Variants in ROGDI observed in about 807,000 individuals in gnomAD.
The protein encoded by ROGDI is rogdi atypical leucine zipper.
Under a neutral mutation model 43.1 loss-of-function variants are expected in ROGDI, and 46 were observed. The observed-to-expected ratio is 1.07, with a 90% CI of 0.84 to 1.37. The LOEUF (loss-of-function observed/expected upper bound fraction) is 1.37. Among genes scored for constraint, ROGDI ranks in the 40% most tolerant of loss-of-function variants. The probability of loss-of-function intolerance (pLI) is 0.00; values close to 1 mark genes in which losing one functional copy is unlikely to be tolerated. For synonymous variants in ROGDI, 243 were observed against 162.0 expected, an observed-to-expected ratio of 1.50 and a Z score of -3.80; for missense variants, 518 against 383.9, an observed-to-expected ratio of 1.35 and a Z score of -2.92.
chr16:4,798,610 C>T lies in ROGDI; in HGVS notation c.490G>A (p.Ala164Thr), dbSNP rs760780110. The T allele has an allele frequency of 5.7e-6, 9 of 1,574,206 alleles. No homozygotes were observed. The highest frequency in any genetic ancestry group is 2.3e-5 in the South Asian group (2 of 86,128). The change falls in exon 7 of 11, where the codon GCC (alanine) becomes ACC (threonine). Residue 164 changes from alanine to threonine, a missense_variant. By Grantham distance (58) the Ala-to-Thr change is moderately conservative. Coordinates refer to ENST00000322048, the MANE Select transcript of ROGDI (RefSeq NM_024589.3). ...TRARNRLTTPATLTLPEIAAS... is the reference protein window; with the variant it reads ...TRARNRLTTPTTLTLPEIAAS... ...GCGATCTCGGGGAGGGTGAGGGTGG[C>T]GGGGGTGGTGAGCCGGTTTCGGGCT...
chr16:4,800,516 C>T lies in ROGDI; in HGVS notation c.318G>A (p.Lys106=). Residue 106 remains lysine, a synonymous_variant, in exon 5 of 11, where the codon AAG becomes AAA. Transcript: ENST00000322048. Reference sequence around the variant, plus strand: ...GGGTCACCTGCTGCAGCTTCCACTGCTTGTCCTCCCGGAAGGCGAAGTGCA... The same window carrying T: ...GGGTCACCTGCTGCAGCTTCCACTGTTTGTCCTCCCGGAAGGCGAAGTGCA... The part of the protein sequence containing the change: ...QLLHFAFRED[K]QWKLQQIQDA... The T allele has an allele frequency of 1.3e-6, 2 of 1,558,866 alleles. No individual in the cohort carries two copies. Among genetic ancestry groups the T allele is most frequent in the South Asian group, 1.2e-5 (1 of 84,622 alleles).
Position 4,801,677 on chromosome 16 carries a change from G to C in ROGDI, c.118-92C>G, listed in dbSNP as rs557183000. 5.6e-6 allele frequency: 7 copies of C among 1,239,386 alleles called. No individual in the cohort carries two copies. In the East Asian group the frequency reaches 1.3e-4, roughly 23 times the overall value. 76.8% of individuals were successfully genotyped at this position (1,239,386 alleles called of 1,614,324 possible). A position where few individuals can be genotyped will look rare whatever the true frequency, so the allele number is the denominator to read the frequency against. On this transcript the variant is annotated intron_variant, in intron 2 of 10. Transcript: ENST00000322048. The stretch of plus-strand genomic sequence containing the variant: ...GAAGCCCCCCTCCCTCCAAGTCAGC[G>C]GGGGGAAGGAACAACGTGGCCTGGC...
chr16:4,797,472 G>A lies in ROGDI; in HGVS notation c.852C>T (p.Tyr284=). ...KISVFSSYWS[Y]RPF is the part of the protein sequence containing the mutation. ...CTGGGTGCTGTGATCAGAAGGGTCT[G>A]TAGCTCCAGTAGCTGGAGAACACGG... Residue 284 remains tyrosine, a synonymous_variant, in exon 11 of 11, where the codon TAC becomes TAT. Transcript: ENST00000322048. The A allele has an allele frequency of 7.4e-6, 12 of 1,613,450 alleles. No homozygotes were observed. The highest frequency in any genetic ancestry group is 1.0e-5 in the Non-Finnish European group (12 of 1,179,602).
chr16:4,799,402 G>A (rs1447137662), intron 6 of ROGDI, among the ~76,000 whole-genome samples: 1 of 152,124 alleles, frequency 6.6e-6, no homozygotes, highest in Non-Finnish European at 1.5e-5. Flanking sequence ...GCCCAGGTCA[G>A]CTCTTCACAT....
chr16:4,797,150 G>A lies in ROGDI; in HGVS notation c.*310C>T. 1 of 331,856 alleles carries A rather than the reference G, an allele frequency of 3.0e-6. No individual in the cohort carries two copies. The highest frequency in any genetic ancestry group is 6.0e-5 in the East Asian group (1 of 16,742). The allele number at this position is 331,856 out of a possible 1,614,324, so 20.6% of individuals were successfully genotyped here. Reference sequence around the variant, plus strand: ...CAGGGGGAGGGGACAGCGAAGGGGAGAGGAGGGAGAGCCCTGCGCCTGGCC... The same window carrying A: ...CAGGGGGAGGGGACAGCGAAGGGGAAAGGAGGGAGAGCCCTGCGCCTGGCC... On this transcript the variant is annotated 3_prime_UTR_variant, in exon 11 of 11. Coordinates refer to ENST00000322048, the MANE Select transcript of ROGDI (RefSeq NM_024589.3).
chr16:4,801,401 T>C (rs2082715983), intron 3 of ROGDI, 80 bp from the exon 4 acceptor site: 2 of 1,558,040 alleles, frequency 1.3e-6, no homozygotes, highest in South Asian at 2.3e-5. Context: ...CTGCCCCTCC[T>C]GTCCCATCGC....
chr16:4,798,195 C>T lies in ROGDI; in HGVS notation c.532-11G>A, dbSNP rs778017272. 19 of 1,609,622 alleles carry T rather than the reference C, an allele frequency of 1.2e-5. No homozygotes were observed. In the East Asian group the frequency reaches 2.2e-4, roughly 19 times the overall value. Reference sequence around the variant, plus strand: ...AGGGGCGAACATCCGCTGCGGGAGGCAGGTGGGATGAGGCCCTCGCAAGCC... The same window carrying T: ...AGGGGCGAACATCCGCTGCGGGAGGTAGGTGGGATGAGGCCCTCGCAAGCC... On this transcript the variant is annotated splice_polypyrimidine_tract_variant and intron_variant, in intron 7 of 10. Transcript: ENST00000322048.
chr16:4,801,866 A>C, intron 2 of ROGDI: 1 of 579,914 alleles, frequency 1.7e-6, no homozygotes, highest in African/African-American at 1.9e-5. Flanking sequence ...GTTGAGGGGG[A>C]AAGGGGCAAG....
At position 4,797,954 on chromosome 16, in the gene ROGDI, T is replaced by C; in HGVS notation, c.679A>G (p.Ser227Gly). ...CCTACTTACAACATGGCCCCAGGGC[T>C]ATGCAGCACCGCGCCCCCAGCTGGG... ...FRPAGGAVLHSPGAMFEWGSQ... is the reference protein window; with the variant it reads ...FRPAGGAVLHGPGAMFEWGSQ... The change falls in exon 9 of 11, where the codon AGC becomes GGC. Residue 227 changes from serine to glycine, a missense_variant. Coordinates refer to ENST00000322048, the MANE Select transcript of ROGDI (RefSeq NM_024589.3). 6.2e-7 allele frequency: 1 copy of C among 1,604,438 alleles called. No individual in the cohort carries two copies. Among genetic ancestry groups the C allele is most frequent in the Non-Finnish European group, 8.5e-7 (1 of 1,173,848 alleles).
At chr16:4,798,232 C>T (rs765163435) in intron 7 of ROGDI, 48 bp from the exon 8 acceptor site, 32 of 1,494,626 alleles carry the variant, frequency 2.1e-5, no homozygotes, top group Non-Finnish European at 2.9e-5. Context: ...CCAGCCCAGG[C>T]TGGATGGAGC....
In ROGDI at chr16:4,801,538, G is replaced by A. The variant is rs1455879564; in HGVS notation, c.165C>T (p.Pro55=). The A allele has an allele frequency of 1.2e-6, 2 of 1,606,952 alleles. No homozygotes were observed. The highest frequency in any genetic ancestry group is 1.7e-6 in the Non-Finnish European group (2 of 1,177,000). The change falls in exon 3 of 11, where the codon CCC becomes CCT. Residue 55 remains proline (P), a synonymous_variant. Coordinates refer to ENST00000322048, the MANE Select transcript of ROGDI (RefSeq NM_024589.3). ...CTAGGATGAAGTTCTCTTGCTTGGC[G>A]GGCCCCTCAGTGCCGGAGCCCGGCA... ...FTLPGSGTEG[P]AKQENFILGS...
chr16:4,801,709 T>G, intron 2 of ROGDI, 124 bp from the exon 3 acceptor site: 1 of 858,476 alleles, frequency 1.2e-6, no homozygotes, highest in Non-Finnish European at 1.8e-6. Context: ...TGGCCTCACC[T>G]GGGTTCAGCT....
At position 4,798,054 on chromosome 16, in the gene ROGDI, C is replaced by T; in HGVS notation, c.645+17G>A. 2.5e-6 allele frequency: 4 copies of T among 1,613,554 alleles called. No individual in the cohort carries two copies. Among genetic ancestry groups the T allele is most frequent in the Non-Finnish European group, 3.4e-6 (4 of 1,179,700 alleles). ...TGTGCATGGCGGGCAGTGGGCCGGGCAGGGGTCCCTCCTCACCTTGGTGGA... is the reference window on the plus strand; with the variant it reads ...TGTGCATGGCGGGCAGTGGGCCGGGTAGGGGTCCCTCCTCACCTTGGTGGA... On this transcript the variant is annotated intron_variant, in intron 8 of 10. Coordinates refer to ENST00000322048, the MANE Select transcript of ROGDI (RefSeq NM_024589.3).
At position 4,798,579 on chromosome 16, in the gene ROGDI, C is replaced by T; in HGVS notation, c.521G>A (p.Ser174Asn). The change falls in exon 7 of 11, where the codon AGC (serine) becomes AAC (asparagine). Residue 174 changes from serine (S) to asparagine (N), a missense_variant. Coordinates refer to ENST00000322048, the MANE Select transcript of ROGDI (RefSeq NM_024589.3). ...ATLTLPEIAASGLTRMFAPAL... is the reference protein window; with the variant it reads ...ATLTLPEIAANGLTRMFAPAL... ...GGCAGGGGCACTGACCGTGAGGCCG[C>T]TGGCGGCGATCTCGGGGAGGGTGAG... 6.4e-7 allele frequency: 1 copy of T among 1,560,244 alleles called. No individual in the cohort carries two copies. The highest frequency in any genetic ancestry group is 1.2e-5 in the South Asian group (1 of 85,408).
At chr16:4,801,676 CG>C (rs1423090425) in intron 2 of ROGDI, 91 bp from the exon 3 acceptor site, 1 of 1,241,564 alleles carries the variant, frequency 8.1e-7, no homozygotes, top group South Asian at 1.3e-5. Context: ...TCCAAGTCAG[CG>C]GGGGGAAGGA....
intron 4 of ROGDI, chr16:4,800,866 G>C (rs2082706567): frequency 1.9e-6 from 1 of 538,750 alleles, no homozygotes; most frequent in Non-Finnish European, 3.3e-6. Context: ...TGCGAACGGG[G>C]TGCATCTAGT....
Position 4,797,743 on chromosome 16 carries a change from G to T in ROGDI, c.793C>A (p.Leu265Met), listed in dbSNP as rs746176256. ...TCCTTGAGCTGCTGGCAGAGCTGCA[G>T]GGAGACGGTGAAGTAGACCAGGGCG... is the stretch of plus-strand genomic sequence containing the variant. The part of the protein sequence containing the change: ...NDALVYFTVS[L>M]QLCQQLKDKI... The change falls in exon 10 of 11, where the codon CTG becomes ATG. Residue 265 changes from leucine (L) to methionine (M), a missense_variant. Physicochemically the swap from Leu to Met is conservative, Grantham distance 15. Transcript: ENST00000322048. 3 of 1,471,402 alleles carry T rather than the reference G, an allele frequency of 2.0e-6. No individual in the cohort carries two copies. In the African/African-American group the frequency reaches 5.7e-5, roughly 28 times the overall value. 91.1% of individuals were successfully genotyped at this position (1,471,402 alleles called of 1,614,324 possible). A position where few individuals can be genotyped will look rare whatever the true frequency, so the allele number is the denominator to read the frequency against.
chr16:4,797,410 G>A lies in ROGDI; in HGVS notation c.*50C>T, dbSNP rs377528404. ...CTGGCTGGTGCTCTGTGGTGGGTAT[G>A]AGTAGGGGACGGGGCCGCCTTCCTG... On this transcript the variant is annotated 3_prime_UTR_variant, in exon 11 of 11. Coordinates refer to ENST00000322048, the MANE Select transcript of ROGDI (RefSeq NM_024589.3). The A allele has an allele frequency of 2.6e-6, 4 of 1,567,878 alleles. No homozygotes were observed. Among genetic ancestry groups the A allele is most frequent in the Non-Finnish European group, 3.5e-6 (4 of 1,147,228 alleles).
Position 4,800,525 on chromosome 16 carries a change from C to T in ROGDI, c.309G>A (p.Arg103=), listed in dbSNP as rs1567601865. 1.9e-6 allele frequency: 3 copies of T among 1,561,448 alleles called. No homozygotes were observed. Among genetic ancestry groups the T allele is most frequent in the Non-Finnish European group, 2.6e-6 (3 of 1,152,104 alleles). The change falls in exon 5 of 11, where the codon CGG becomes CGA. Residue 103 remains arginine (R), a synonymous_variant. Transcript: ENST00000322048. ...GCTGCAGCTTCCACTGCTTGTCCTC[C>T]CGGAAGGCGAAGTGCAGCAGCTGGT... ...RNNQLLHFAF[R]EDKQWKLQQI...
Sources: gnomAD v4.1 joint callset for allele counts (sites outside exome capture counted in the v4.1 genomes callset) on GRCh38, gnomAD v4.1.1 for gene constraint, MANE v1.5 for transcripts, NCBI Gene and HGNC (gene_info 2026-07-23, HGNC 2026-07-21) for gene names.